The following BMP6 variants were observed in gnomAD, a reference collection of about 807,000 sequenced individuals.
The protein encoded by BMP6 is bone morphogenetic protein 6.
A neutral mutation model predicts 54.1 loss-of-function variants in BMP6; 17 were observed. That is an observed-to-expected ratio of 0.31 (90% CI 0.22 to 0.47). The LOEUF (loss-of-function observed/expected upper bound fraction) is 0.47, where lower values mean the gene tolerates loss of function less well. Among genes scored for constraint, BMP6 ranks in the 20% least tolerant of loss-of-function variants. The pLI is 1.00. For synonymous variants in BMP6, 328 were observed against 291.2 expected, an observed-to-expected ratio of 1.13 and a Z score of -1.28; for missense variants, 720 against 690.4, an observed-to-expected ratio of 1.04 and a Z score of -0.48.
At chr6:7,866,079 A>G (rs905375945) in intron 4 of BMP6, among the ~76,000 whole-genome samples, 5 of 152,208 alleles carry the variant, frequency 3.3e-5, no homozygotes, top group African/African-American at 1.2e-4. Context: ...GACTTTCCAA[A>G]CATGTGCACT....
At chr6:7,826,048 A>G (rs1299345150) in intron 1 of BMP6, among the ~76,000 whole-genome samples, 1 of 152,194 alleles carries the variant, frequency 6.6e-6, no homozygotes, top group African/African-American at 2.4e-5. Context: ...AGGACCCCTC[A>G]TGGGTGAAGT....
rs1455673559 is a variant in BMP6 at position 7,856,903 on chromosome 6, C to A, written c.858-4548C>A. 3.3e-5 allele frequency among the ~76,000 whole-genome samples: 5 copies of A among 152,140 alleles called. No homozygotes were observed. The East Asian group carries it at 9.6e-4, about 29-fold the overall frequency. ...GAGCCACCGCGCCCGGCCTCAAGAG[C>A]ATTTTTCTATCAAAATGGTTAGTAG... is the stretch of plus-strand genomic sequence containing the variant. On this transcript the variant is annotated intron_variant, in intron 2 of 6. Coordinates refer to ENST00000283147, the MANE Select transcript of BMP6 (RefSeq NM_001718.6).
intron 1 of BMP6, among the ~76,000 whole-genome samples, chr6:7,760,062 CTTTTTTTT>C (rs10587005): frequency 6.1e-5 from 7 of 114,480 alleles, no homozygotes; most frequent in African/African-American, 2.4e-4. Flanking sequence ...TATTTTTCAA[CTTTTTTTT>C]TTTTTTTTTT....
At chr6:7,740,285 G>A (rs545238935) in intron 1 of BMP6, among the ~76,000 whole-genome samples, 1 of 152,260 alleles carries the variant, frequency 6.6e-6, no homozygotes, top group South Asian at 2.1e-4. Flanking sequence ...TGACCCATCT[G>A]TTCAGAGCAT....
At chr6:7,819,750 G>T (rs551730461) in intron 1 of BMP6, among the ~76,000 whole-genome samples, 5 of 152,194 alleles carry the variant, frequency 3.3e-5, no homozygotes, top group Non-Finnish European at 5.9e-5. Flanking sequence ...AATCCCAGAT[G>T]TTGTTTTTCC....
intron 1 of BMP6, among the ~76,000 whole-genome samples, chr6:7,810,768 G>A (rs544724766): frequency 6.6e-5 from 10 of 152,160 alleles, no homozygotes; most frequent in Non-Finnish European, 1.2e-4. Flanking sequence ...CTTGAAAGAA[G>A]GGAACACTCA....
chr6:7,811,402 T>G (rs1001332479), intron 1 of BMP6, among the ~76,000 whole-genome samples: 3 of 152,090 alleles, frequency 2.0e-5, no homozygotes, highest in African/African-American at 7.2e-5. Flanking sequence ...GGAGACTATC[T>G]AGAAGGAAGG....
At chr6:7,878,887 C>T (rs903480862) in intron 4 of BMP6, among the ~76,000 whole-genome samples, 187 bp from the exon 5 acceptor site, 1 of 152,190 alleles carries the variant, frequency 6.6e-6, no homozygotes, top group African/African-American at 2.4e-5. Context: ...GTAGACAAAA[C>T]GGATTCCGTA....
intron 1 of BMP6, among the ~76,000 whole-genome samples, chr6:7,749,657 G>A (rs1757392802): frequency 6.6e-6 from 1 of 152,158 alleles, no homozygotes; most frequent in South Asian, 2.1e-4. Context: ...CATATGTGTG[G>A]GGCTGGAGTC....
chr6:7,791,340 G>A (rs566483068), intron 1 of BMP6, among the ~76,000 whole-genome samples: 1 of 152,276 alleles, frequency 6.6e-6, no homozygotes, highest in African/African-American at 2.4e-5. Flanking sequence ...CCACTGCTTC[G>A]GTGAGATGGA....
At chr6:7,874,926 G>A (rs1759584669) in intron 4 of BMP6, among the ~76,000 whole-genome samples, 1 of 61,088 alleles carries the variant, frequency 1.6e-5, no homozygotes, top group African/African-American at 1.0e-4. Context: ...AGGATATATG[G>A]AGATATATAT....
rs1309165508 is a variant in BMP6, at chr6:7,726,214, T to TA, written c.-742_-741insA. Among the ~76,000 whole-genome samples, 1 of 152,076 alleles carries TA rather than the reference T, an allele frequency of 6.6e-6. No individual in the cohort carries two copies. Among genetic ancestry groups the TA allele is most frequent in the African/African-American group, 2.4e-5 (1 of 41,432 alleles). ...ACTAGCCCCCTTCCTTCCCATCCTT[T>TA]CTGCGAGCGGGTTTGCTGGGCAGCC... is the stretch of plus-strand genomic sequence containing the variant. On this transcript the variant is annotated 5_prime_UTR_variant, in exon 1 of 7. Transcript: ENST00000283147.
intron 1 of BMP6, among the ~76,000 whole-genome samples, chr6:7,805,587 G>A (rs150006975): frequency 3.3e-5 from 5 of 150,484 alleles, no homozygotes; most frequent in Non-Finnish European, 7.4e-5. Context: ...GAAGGAAACC[G>A]GATCTACCCC....
At chr6:7,744,189 G>T (rs1757312373) in intron 1 of BMP6, among the ~76,000 whole-genome samples, 1 of 152,116 alleles carries the variant, frequency 6.6e-6, no homozygotes, top group African/African-American at 2.4e-5. Flanking sequence ...ACATTTCAAA[G>T]TAAAGTTGCA....
Position 7,727,439 on chromosome 6 carries a change from C to A in BMP6, c.484C>A (p.Pro162Thr), listed in dbSNP as rs763704272. 3.7e-6 allele frequency: 6 copies of A among 1,603,624 alleles called. No homozygotes were observed. The highest frequency in any genetic ancestry group is 5.1e-6 in the Non-Finnish European group (6 of 1,177,072). The change falls in exon 1 of 7, where the codon CCC becomes ACC. Residue 162 changes from proline to threonine, a missense_variant. Coordinates refer to ENST00000283147, the MANE Select transcript of BMP6 (RefSeq NM_001718.6). ...GGAGGGGGAGAGGCAGCAGTCCTGG[C>A]CCCACGAAGCAGCCAGCTCGTCCCA... The part of the protein sequence containing the change: ...ASEGERQQSW[P>T]HEAASSSQRR...
chr6:7,817,360 T>C (rs577540405), intron 1 of BMP6, among the ~76,000 whole-genome samples: 2 of 152,252 alleles, frequency 1.3e-5, no homozygotes, highest in Admixed American at 6.5e-5. Context: ...AAAAACTGCC[T>C]GATGCACATA....
Position 7,774,923 on chromosome 6 carries a change from CTTG to C in BMP6, c.664+47309_664+47311del, listed in dbSNP as rs988611354. ...CTGTTTGGCATCTGATGAGGGCCTT[CTTG>C]TTGTATTATTTCATGGCAGAAGGTG... On this transcript the variant is annotated intron_variant, in intron 1 of 6. Transcript: ENST00000283147. Among the ~76,000 whole-genome samples the C allele has an allele frequency of 1.4e-4, 21 of 152,188 alleles. No homozygotes were observed. In the East Asian group the frequency reaches 2.1e-3, roughly 15 times the overall value.
At chr6:7,835,636 C>T (rs1268347954) in intron 1 of BMP6, among the ~76,000 whole-genome samples, 1 of 152,168 alleles carries the variant, frequency 6.6e-6, no homozygotes, top group Admixed American at 6.5e-5. Flanking sequence ...TTCTTTAAGG[C>T]AGCCCTTGTA....
At chr6:7,870,990 A>G (rs1397216725) in intron 4 of BMP6, among the ~76,000 whole-genome samples, 1 of 152,214 alleles carries the variant, frequency 6.6e-6, no homozygotes, top group Non-Finnish European at 1.5e-5. Context: ...TTCCTGTATC[A>G]TGGGCCCCAC....
Sources: allele counts gnomAD v4.1 joint callset (sites outside exome capture counted in the v4.1 genomes callset), GRCh38; gene constraint gnomAD v4.1.1; transcripts MANE v1.5; gene names NCBI Gene and HGNC (gene_info 2026-07-23, HGNC 2026-07-21).